CSMD1: variants seen among roughly 807,000 people sequenced by gnomAD.
CSMD1 encodes the protein CUB and sushi domain-containing protein 1.
Under a neutral mutation model 417.5 loss-of-function variants are expected in CSMD1, and 213 were observed. That is an observed-to-expected ratio of 0.51 (90% CI 0.46 to 0.57). CSMD1 has a LOEUF of 0.57. CSMD1 is among the 20% of genes least tolerant of loss of function. The pLI, the probability that CSMD1 is intolerant of heterozygous loss-of-function variation, is 0.00. For missense variants in CSMD1, 6,923 were observed against 4,529.7 expected, an observed-to-expected ratio of 1.53 and a Z score of -15.17; for synonymous variants, 2,862 against 1,736.8, an observed-to-expected ratio of 1.65 and a Z score of -16.11.
chr8:4,066,090 A>C (rs1799231127), intron 3 of CSMD1, among the ~76,000 whole-genome samples: 1 of 152,206 alleles, frequency 6.6e-6, no homozygotes, highest in South Asian at 2.1e-4. Context: ...CAAAACAATG[A>C]AAACAGTTCT....
In CSMD1 at chr8:4,515,442, G is replaced by A. The variant is rs1163444783; in HGVS notation, c.303-95377C>T. 2.6e-5 allele frequency among the ~76,000 whole-genome samples: 4 copies of A among 152,290 alleles called. No individual in the cohort carries two copies. In the Middle Eastern group the frequency reaches 0.01, roughly 388 times the overall value. On this transcript the variant is annotated intron_variant, in intron 2 of 69. Transcript: ENST00000635120. ...CTTGACAAAGTCAGGAACGCTTTCA[G>A]AGGAGAGTTAATATCTGATCTGGAT...
chr8:4,367,077 T>A (rs1266746862), intron 3 of CSMD1, among the ~76,000 whole-genome samples: 1 of 152,214 alleles, frequency 6.6e-6, no homozygotes, highest in Admixed American at 6.5e-5. Flanking sequence ...TTTTTATTTT[T>A]ATTGCAATTG....
intron 1 of CSMD1, among the ~76,000 whole-genome samples, chr8:4,846,328 G>A (rs1345907866): frequency 2.6e-5 from 4 of 152,218 alleles, no homozygotes; most frequent in Non-Finnish European, 5.9e-5. Context: ...CCTGTAAGGA[G>A]ATGTGTGCAT....
chr8:3,792,440 C>G (rs1476024277), intron 5 of CSMD1, among the ~76,000 whole-genome samples: 1 of 152,164 alleles, frequency 6.6e-6, no homozygotes, highest in African/African-American at 2.4e-5. Context: ...AAAGGCAAAA[C>G]TGAACAAGAT....
In CSMD1 at chr8:3,550,130, C is replaced by T. The variant is rs150232245; in HGVS notation, c.1344+24815G>A. ...ATAAAAAAGTGTCCCATTGGGATCA[C>T]CCATGCACGTGGCCTCAAAATCTAG... On this transcript the variant is annotated intron_variant, in intron 10 of 69. Coordinates refer to ENST00000635120, the MANE Select transcript of CSMD1 (RefSeq NM_033225.6). Among the ~76,000 whole-genome samples, 684 of 152,244 alleles carry T rather than the reference C, an allele frequency of 4.5e-3. 6 individuals are homozygous for T. Among genetic ancestry groups the T allele is most frequent in the African/African-American group, 0.016 (657 of 41,552 alleles).
At chr8:4,932,402 C>G (rs1220852041) in intron 1 of CSMD1, among the ~76,000 whole-genome samples, 1 of 151,868 alleles carries the variant, frequency 6.6e-6, no homozygotes, top group Non-Finnish European at 1.5e-5. Flanking sequence ...GAGTTTGTTC[C>G]TTCTGTGAGG....
intron 11 of CSMD1, among the ~76,000 whole-genome samples, chr8:3,491,269 A>G (rs943910932): frequency 1.3e-5 from 2 of 152,174 alleles, no homozygotes; most frequent in Non-Finnish European, 2.9e-5. Context: ...CCCTGCCTCA[A>G]TGTACACTAG....
At chr8:4,256,939 G>T (rs999976923) in intron 3 of CSMD1, among the ~76,000 whole-genome samples, 5 of 152,144 alleles carry the variant, frequency 3.3e-5, no homozygotes, top group Non-Finnish European at 7.4e-5. Flanking sequence ...CTTTCCCTCC[G>T]TGGGCTGCTG....
intron 5 of CSMD1, among the ~76,000 whole-genome samples, chr8:3,944,658 T>C (rs1190624339): frequency 2.0e-5 from 3 of 152,152 alleles, no homozygotes; most frequent in South Asian, 2.1e-4. Flanking sequence ...GATTCATTTT[T>C]GGGGAATGGT....
intron 1 of CSMD1, among the ~76,000 whole-genome samples, chr8:4,855,498 AG>A (rs1801744532): frequency 6.6e-6 from 1 of 151,942 alleles, no homozygotes; most frequent in Non-Finnish European, 1.5e-5. Context: ...CGAAAGGCAA[AG>A]AAGTTGAAAA....
At chr8:4,944,186 G>C (rs1261067321) in intron 1 of CSMD1, among the ~76,000 whole-genome samples, 5 of 152,134 alleles carry the variant, frequency 3.3e-5, no homozygotes, top group South Asian at 2.1e-4. Flanking sequence ...CACGAACTTA[G>C]ATTTGGAAAT....
At chr8:4,785,140 A>G (rs1027563172) in intron 1 of CSMD1, among the ~76,000 whole-genome samples, 1 of 152,220 alleles carries the variant, frequency 6.6e-6, no homozygotes, top group Non-Finnish European at 1.5e-5. Context: ...ACCATGTGGA[A>G]AAGATAGCAT....
intron 23 of CSMD1, among the ~76,000 whole-genome samples, chr8:3,310,924 T>G (rs1391263763): frequency 6.6e-6 from 1 of 152,174 alleles, no homozygotes; most frequent in East Asian, 1.9e-4. Flanking sequence ...ATATTGCACG[T>G]AATGCTTCTA....
rs564266288 is a variant in CSMD1 at position 3,612,643 on chromosome 8, A to G, written c.1097+4067T>C. Among the ~76,000 whole-genome samples the G allele has an allele frequency of 1.1e-4, 17 of 152,300 alleles. No individual in the cohort carries two copies. The South Asian group carries it at 1.9e-3, about 17-fold the overall frequency. ...TGCAGATTCTTAGAAAATGTTCAGT[A>G]TATGGCAACAAAATAGAAAACTTTC... On this transcript the variant is annotated intron_variant, in intron 8 of 69. Coordinates refer to ENST00000635120, the MANE Select transcript of CSMD1 (RefSeq NM_033225.6).
intron 5 of CSMD1, among the ~76,000 whole-genome samples, chr8:3,933,254 T>C (rs1221745189): frequency 6.6e-6 from 1 of 152,180 alleles, no homozygotes; most frequent in East Asian, 1.9e-4. Context: ...AGAGTACGTG[T>C]TAAATTGACT....
intron 5 of CSMD1, among the ~76,000 whole-genome samples, chr8:3,941,547 G>C (rs1475554752): frequency 6.6e-6 from 1 of 152,082 alleles, no homozygotes; most frequent in Non-Finnish European, 1.5e-5. Flanking sequence ...CTCTCTCCGA[G>C]CAGTGGGTTT....
At chr8:3,327,662 G>T (rs1247166902) in intron 23 of CSMD1, among the ~76,000 whole-genome samples, 1 of 152,102 alleles carries the variant, frequency 6.6e-6, no homozygotes, top group South Asian at 2.1e-4. Flanking sequence ...ACTCATTTTG[G>T]GGGAATAGAA....
At chr8:4,683,660 G>A (rs570232994) in intron 1 of CSMD1, among the ~76,000 whole-genome samples, 3 of 152,294 alleles carry the variant, frequency 2.0e-5, no homozygotes, top group South Asian at 4.1e-4. Context: ...TGGAGTGTGG[G>A]GACTCCCAGC....
Position 3,214,481 on chromosome 8 carries a change from C to A in CSMD1, c.4867+16G>T. ...GGAAAGTTGTATTTCTAGAAAATAC[C>A]CAAGCGTGCACTCACCATTGCAGGA... On this transcript the variant is annotated intron_variant, in intron 30 of 69. Coordinates refer to ENST00000635120, the MANE Select transcript of CSMD1 (RefSeq NM_033225.6). 2 of 1,521,810 alleles carry A rather than the reference C, an allele frequency of 1.3e-6. No individual in the cohort carries two copies. Among genetic ancestry groups the A allele is most frequent in the Non-Finnish European group, 8.8e-7 (1 of 1,135,660 alleles). The allele number at this position is 1,521,810 out of a possible 1,614,324, so 94.3% of individuals were successfully genotyped here. A position where few individuals can be genotyped will look rare whatever the true frequency, so the allele number is the denominator to read the frequency against.
Sources: allele counts gnomAD v4.1 joint callset (sites outside exome capture counted in the v4.1 genomes callset), GRCh38; gene constraint gnomAD v4.1.1; transcripts MANE v1.5; gene names NCBI Gene and HGNC (gene_info 2026-07-23, HGNC 2026-07-21).